Variants in UNC13C observed in about 807,000 individuals in gnomAD.
UNC13C encodes the protein unc-13 homolog C.
In UNC13C, 174 loss-of-function variants were observed where a neutral mutation model predicts 245.4. That is an observed-to-expected ratio of 0.71 (90% CI 0.63 to 0.80). The LOEUF (loss-of-function observed/expected upper bound fraction) is 0.80, where lower values mean the gene tolerates loss of function less well. Among genes scored for constraint, UNC13C ranks in the 30% least tolerant of loss-of-function variants. UNC13C has a pLI of 0.00. For synonymous variants in UNC13C, 992 were observed against 895.1 expected (o/e 1.11, Z -1.93); for missense variants, 2,829 against 2,602.9 (o/e 1.09, Z -1.89).
At chr15:53,873,973 T>C in the UNC13C span, among the ~76,000 whole-genome samples, 2 of 137,926 alleles carry the variant, frequency 1.5e-5, no homozygotes, top group African/African-American at 5.4e-5. Context: ...CCTTCCTTCC[T>C]GTCTTTCTTG....
intron 19 of UNC13C, among the ~76,000 whole-genome samples, chr15:54,452,283 G>A (rs1891222283): frequency 6.6e-6 from 1 of 152,318 alleles, no homozygotes; most frequent in Non-Finnish European, 1.5e-5. Flanking sequence ...AGTGGCAGCA[G>A]TGGGTCAGGT....
intron 2 of UNC13C, among the ~76,000 whole-genome samples, chr15:54,125,849 T>C (rs1363810671): frequency 1.3e-5 from 2 of 152,214 alleles, no homozygotes; most frequent in Non-Finnish European, 2.9e-5. Context: ...TTAGCACAGA[T>C]ACTATTGCTT....
chr15:54,439,511 C>G (rs1329993735), intron 19 of UNC13C, among the ~76,000 whole-genome samples: 1 of 151,748 alleles, frequency 6.6e-6, no homozygotes, highest in African/African-American at 2.4e-5. Context: ...TTTTAAATTA[C>G]CAAGATCCTA....
chr15:54,481,426 A>C (rs761689786), intron 19 of UNC13C, among the ~76,000 whole-genome samples: 10 of 152,100 alleles, frequency 6.6e-5, no homozygotes, highest in Non-Finnish European at 1.3e-4. Context: ...CTCCTGGATG[A>C]CATGCACATG....
At chr15:54,133,036 T>G (rs2031523984) in intron 2 of UNC13C, among the ~76,000 whole-genome samples, 1 of 152,230 alleles carries the variant, frequency 6.6e-6, no homozygotes, top group South Asian at 2.1e-4. Flanking sequence ...CTATCCATCT[T>G]AATCTTAAAT....
chr15:54,112,474 T>G (rs902584622), intron 2 of UNC13C, among the ~76,000 whole-genome samples: 1 of 152,204 alleles, frequency 6.6e-6, no homozygotes, highest in Non-Finnish European at 1.5e-5. Context: ...TAATCTATTA[T>G]GCAAATGAGG....
intron 19 of UNC13C, among the ~76,000 whole-genome samples, chr15:54,468,813 T>C (rs922393461): frequency 2.0e-5 from 3 of 151,732 alleles, no homozygotes; most frequent in Non-Finnish European, 4.4e-5. Flanking sequence ...AGTATATCTG[T>C]TTTTATGTCA....
chr15:53,873,916 CTT>C, the UNC13C span, among the ~76,000 whole-genome samples: 1 of 19,534 alleles, frequency 5.1e-5, no homozygotes, highest in Non-Finnish European at 1.1e-4. Flanking sequence ...TCCTTCCTTC[CTT>C]CCTTTCTTCC....
At position 54,065,668 on chromosome 15, in the gene UNC13C, A is replaced by G. The variant is rs145316661; in HGVS notation, c.2983+49782A>G. Among the ~76,000 whole-genome samples the G allele has an allele frequency of 4.4e-4, 67 of 152,334 alleles. 1 individual carries two copies. The East Asian group carries it at 0.01, about 24-fold the overall frequency. ...TGCCATCCTGGAATTCTTCACTTCC[A>G]GTTAGTGGGAGAAAGACCAGTACCT... On this transcript the variant is annotated intron_variant, in intron 2 of 32. Coordinates refer to ENST00000260323, the MANE Select transcript of UNC13C (RefSeq NM_001080534.3).
chr15:54,421,629 G>C (rs2040645924), intron 19 of UNC13C, among the ~76,000 whole-genome samples: 1 of 152,042 alleles, frequency 6.6e-6, no homozygotes, highest in East Asian at 1.9e-4. Flanking sequence ...GAGAACCACT[G>C]CTCTAGAAAA....
At chr15:54,094,847 T>G (rs1899767192) in intron 2 of UNC13C, among the ~76,000 whole-genome samples, 1 of 152,184 alleles carries the variant, frequency 6.6e-6, no homozygotes, top group Non-Finnish European at 1.5e-5. Flanking sequence ...GGGAAACCTG[T>G]CATCACAGGG....
At chr15:53,842,900 T>TATA in the UNC13C span, among the ~76,000 whole-genome samples, 4 of 145,946 alleles carry the variant, frequency 2.7e-5, no homozygotes, top group African/African-American at 1.0e-4. Context: ...ATTTTAAGTT[T>TATA]TATATATATA....
At chr15:53,979,669 G>C (rs916706403) in intron 1 of UNC13C, among the ~76,000 whole-genome samples, 1 of 152,068 alleles carries the variant, frequency 6.6e-6, no homozygotes, top group Non-Finnish European at 1.5e-5. Context: ...GTACCTAGAC[G>C]GAGATGACAA....
chr15:53,947,208 T>C, the UNC13C span, among the ~76,000 whole-genome samples: 1 of 152,198 alleles, frequency 6.6e-6, no homozygotes, highest in Non-Finnish European at 1.5e-5. Context: ...GTATATTTCC[T>C]GAATTTTCCA....
intron 2 of UNC13C, among the ~76,000 whole-genome samples, chr15:54,123,542 A>G (rs1595882997): frequency 6.6e-6 from 1 of 152,032 alleles, no homozygotes; most frequent in Non-Finnish European, 1.5e-5. Context: ...AATCAAAGTA[A>G]TTTATTTTTC....
At chr15:53,863,304 A>G in the UNC13C span, among the ~76,000 whole-genome samples, 22 of 152,286 alleles carry the variant, frequency 1.4e-4, no homozygotes, top group African/African-American at 5.1e-4. Flanking sequence ...GTCATCCCCA[A>G]GTCTATGTAG....
At chr15:54,182,639 C>T (rs903314119) in intron 4 of UNC13C, among the ~76,000 whole-genome samples, 3 of 151,972 alleles carry the variant, frequency 2.0e-5, no homozygotes, top group African/African-American at 4.8e-5. Flanking sequence ...CTATCTCAAC[C>T]TGGGTGTTTT....
intron 2 of UNC13C, among the ~76,000 whole-genome samples, chr15:54,071,736 G>A (rs1898338433): frequency 6.6e-6 from 1 of 152,126 alleles, no homozygotes; most frequent in African/African-American, 2.4e-5. Flanking sequence ...CATACATAAA[G>A]CTTAATTGAA....
intron 1 of UNC13C, among the ~76,000 whole-genome samples, chr15:53,982,929 G>C (rs1026806448): frequency 2.0e-5 from 3 of 152,262 alleles, no homozygotes; most frequent in African/African-American, 7.2e-5. Context: ...CTTCTCCTGA[G>C]AGGCCAGAGG....
Sources: gnomAD v4.1 joint callset for allele counts (sites outside exome capture counted in the v4.1 genomes callset) on GRCh38, gnomAD v4.1.1 for gene constraint, MANE v1.5 for transcripts, NCBI Gene and HGNC (gene_info 2026-07-23, HGNC 2026-07-21) for gene names.